Variants in ADGRL2 observed in about 807,000 individuals in gnomAD.
ADGRL2 encodes the protein calcium-independent alpha-latrotoxin receptor 2.
A neutral mutation model predicts 157.4 loss-of-function variants in ADGRL2; 44 were observed. That is an observed-to-expected ratio of 0.28 (90% CI 0.22 to 0.36). The LOEUF is 0.36. Among genes scored for constraint, ADGRL2 ranks in the 10% least tolerant of loss-of-function variants. The probability of loss-of-function intolerance (pLI) is 1.00; values close to 1 mark genes in which losing one functional copy is unlikely to be tolerated. For missense variants in ADGRL2, 1,510 were observed against 1,768.9 expected (o/e 0.85, Z 2.63); for synonymous variants, 585 against 624.7 (o/e 0.94, Z 0.95).
intron 1 of ADGRL2, among the ~76,000 whole-genome samples, chr1:81,721,480 G>A (rs1053250728): frequency 2.6e-5 from 4 of 152,168 alleles, no homozygotes; most frequent in Admixed American, 1.3e-4. Context: ...GGTAGGCCGG[G>A]CATAGTGGCT....
At chr1:81,826,791 A>G (rs537961186) in intron 1 of ADGRL2, among the ~76,000 whole-genome samples, 1 of 152,322 alleles carries the variant, frequency 6.6e-6, no homozygotes, top group African/African-American at 2.4e-5. Flanking sequence ...AATTTCATTT[A>G]CAGTAATCCA....
intron 1 of ADGRL2, among the ~76,000 whole-genome samples, chr1:81,434,392 T>C (rs1047699179): frequency 6.6e-6 from 1 of 152,188 alleles, no homozygotes; most frequent in African/African-American, 2.4e-5. Context: ...ACTTTGCTTG[T>C]TTTTTATATT....
intron 1 of ADGRL2, among the ~76,000 whole-genome samples, chr1:81,348,910 G>A (rs558113014): frequency 6.6e-6 from 1 of 152,218 alleles, no homozygotes; most frequent in African/African-American, 2.4e-5. Context: ...GTTCAGAGTA[G>A]CAAAAGCTAT....
intron 3 of ADGRL2, among the ~76,000 whole-genome samples, chr1:81,616,645 G>A (rs978465886): frequency 1.0e-4 from 13 of 129,028 alleles, no homozygotes; most frequent in African/African-American, 3.7e-4. Context: ...TAGTTTTTTG[G>A]GTTTTTTTTT....
intron 2 of ADGRL2, among the ~76,000 whole-genome samples, chr1:81,479,724 CAAAT>C (rs1484954847): frequency 9.2e-5 from 14 of 152,232 alleles, no homozygotes; most frequent in Middle Eastern, 6.8e-3. Context: ...CTGGAACTAA[CAAAT>C]AACCCCAGTG....
chr1:81,978,013 T>C (rs1486849921), intron 17 of ADGRL2, among the ~76,000 whole-genome samples: 1 of 151,694 alleles, frequency 6.6e-6, no homozygotes, highest in African/African-American at 2.4e-5. Flanking sequence ...TTTAGGATGT[T>C]TATAGAGTTC....
intron 2 of ADGRL2, among the ~76,000 whole-genome samples, chr1:81,852,820 A>G (rs949831569): frequency 6.6e-6 from 1 of 152,158 alleles, no homozygotes; most frequent in African/African-American, 2.4e-5. Context: ...GTACTGTACT[A>G]TGTAAATAAA....
intron 2 of ADGRL2, among the ~76,000 whole-genome samples, chr1:81,518,438 A>G (rs183950053): frequency 6.6e-5 from 10 of 152,318 alleles, no homozygotes; most frequent in Admixed American, 2.6e-4. Flanking sequence ...GTGAAGCCCA[A>G]TGTGGTTACA....
At chr1:81,616,697 G>GTTTTTTTTTTC (rs2081661296) in intron 3 of ADGRL2, among the ~76,000 whole-genome samples, 3 of 93,700 alleles carry the variant, frequency 3.2e-5, no homozygotes, top group South Asian at 3.9e-4. Flanking sequence ...TTTTTTTTGA[G>GTTTTTTTTTTC]ACAGGGTCTC....
At chr1:81,427,102 G>T (rs548070237) in intron 1 of ADGRL2, 68 of 1,465,852 alleles carry the variant, frequency 4.6e-5, no homozygotes, top group Admixed American at 4.4e-4. Flanking sequence ...AACAAGAGAT[G>T]CAGTCTGCTG....
At chr1:81,675,677 G>T (rs948390976) in intron 3 of ADGRL2, among the ~76,000 whole-genome samples, 2 of 151,664 alleles carry the variant, frequency 1.3e-5, no homozygotes, top group African/African-American at 4.8e-5. Context: ...TGCCTCCCCA[G>T]CTCAAGGGAT....
At chr1:81,439,943 AAAG>A (rs2077476755) in intron 1 of ADGRL2, among the ~76,000 whole-genome samples, 1 of 152,226 alleles carries the variant, frequency 6.6e-6, no homozygotes, top group African/African-American at 2.4e-5. Flanking sequence ...AATGGCTCTA[AAAG>A]GCTGTCTGTT....
rs576153384 is a variant in ADGRL2 at position 81,883,668 on chromosome 1, T to C, written c.74-23349T>C. Among the ~76,000 whole-genome samples the C allele has an allele frequency of 3.9e-5, 6 of 152,298 alleles. No individual in the cohort carries two copies. The South Asian group carries it at 8.3e-4, about 21-fold the overall frequency. ...ACAGAACTTTTGTTTTACATCCTCGTCTTCCTATTATTAGTTCAACTATAT... is the reference window on the plus strand; with the variant it reads ...ACAGAACTTTTGTTTTACATCCTCGCCTTCCTATTATTAGTTCAACTATAT... On this transcript the variant is annotated intron_variant, in intron 2 of 23. Transcript: ENST00000686636.
chr1:81,398,242 G>GC (rs1553161275), intron 1 of ADGRL2, among the ~76,000 whole-genome samples: 1 of 150,884 alleles, frequency 6.6e-6, no homozygotes, highest in African/African-American at 2.4e-5. Flanking sequence ...GCTGAGTCAT[G>GC]TTTTTTTTTA....
chr1:81,713,114 T>G lies in ADGRL2; in HGVS notation c.-143+13306T>G, dbSNP rs115633407. 9.7e-3 allele frequency among the ~76,000 whole-genome samples: 1,481 copies of G among 152,162 alleles called. 28 individuals are homozygous for G. Among genetic ancestry groups the G allele is most frequent in the African/African-American group, 0.034 (1,414 of 41,508 alleles). On this transcript the variant is annotated intron_variant, in intron 1 of 20. Coordinates refer to the ADGRL2 transcript ENST00000359929. ...TAAAAAACCCCGATATATAATGAAA[T>G]GGAATGAAAATCATTTGAAGATGGA...
chr1:81,878,222 G>T (rs902178322), intron 2 of ADGRL2, among the ~76,000 whole-genome samples: 34 of 152,128 alleles, frequency 2.2e-4, no homozygotes, highest in Admixed American at 2.0e-3. Context: ...GGCATGCTTT[G>T]CTCTTTTCCC....
At chr1:81,847,982 G>T (rs1283603650) in intron 2 of ADGRL2, among the ~76,000 whole-genome samples, 3 of 151,676 alleles carry the variant, frequency 2.0e-5, no homozygotes, top group African/African-American at 7.3e-5. Context: ...GTACTTGATT[G>T]TTAACTGGTC....
At chr1:81,716,744 A>C (rs2084130594) in intron 1 of ADGRL2, among the ~76,000 whole-genome samples, 1 of 152,198 alleles carries the variant, frequency 6.6e-6, no homozygotes, top group Non-Finnish European at 1.5e-5. Context: ...TAAAGCAAAA[A>C]TCAATATATA....
At position 81,442,465 on chromosome 1, in the gene ADGRL2, A is replaced by G. The variant is rs151093424; in HGVS notation, c.-301-2571A>G. ...ATGAAATAAAGAAATTGGCAAGAAA[A>G]CAACTGAAGGGCTACTTTATTTTTT... On this transcript the variant is annotated intron_variant, in intron 1 of 24. Transcript: ENST00000370721. Among the ~76,000 whole-genome samples the G allele has an allele frequency of 2.2e-4, 33 of 152,356 alleles. No homozygotes were observed. In the East Asian group the frequency reaches 6.0e-3, roughly 28 times the overall value.
Sources: allele counts gnomAD v4.1 joint callset (sites outside exome capture counted in the v4.1 genomes callset), GRCh38; gene constraint gnomAD v4.1.1; transcripts MANE v1.5; gene names NCBI Gene and HGNC (gene_info 2026-07-23, HGNC 2026-07-21).